Variants in NCALD observed in about 807,000 individuals in gnomAD.
The protein encoded by NCALD is neurocalcin-delta.
Under a neutral mutation model 18.6 loss-of-function variants are expected in NCALD, and 10 were observed. That is an observed-to-expected ratio of 0.54 (90% CI 0.33 to 0.91). The LOEUF (loss-of-function observed/expected upper bound fraction) is 0.91. NCALD is among the 40% of genes least tolerant of loss of function. NCALD has a pLI of 0.03. For synonymous variants in NCALD, 88 were observed against 87.4 expected (o/e 1.01, Z -0.04); for missense variants, 184 against 247.6 (o/e 0.74, Z 1.72).
intron 1 of NCALD, among the ~76,000 whole-genome samples, chr8:101,745,340 C>T (rs1457617385): frequency 2.0e-5 from 3 of 152,088 alleles, no homozygotes; most frequent in Non-Finnish European, 4.4e-5. Context: ...TATGTGGAAA[C>T]GGGCTTTGAA....
intron 3 of NCALD, among the ~76,000 whole-genome samples, chr8:101,901,374 T>A (rs112224659): frequency 1.1e-3 from 160 of 152,286 alleles, no homozygotes; most frequent in African/African-American, 3.7e-3. Flanking sequence ...ATTGTTGATA[T>A]ACTTGGGCTA....
intron 1 of NCALD, among the ~76,000 whole-genome samples, chr8:102,023,437 T>C (rs1822347939): frequency 6.6e-6 from 1 of 152,214 alleles, no homozygotes; most frequent in Admixed American, 6.5e-5. Context: ...CAGATGATTT[T>C]TACAAAGTGA....
At chr8:101,765,095 G>A (rs1268822813) in intron 1 of NCALD, among the ~76,000 whole-genome samples, 1 of 152,152 alleles carries the variant, frequency 6.6e-6, no homozygotes, top group Non-Finnish European at 1.5e-5. Context: ...GTATCCTTCT[G>A]TGGCCCCAAC....
At chr8:101,697,325 C>T (rs1009899773) in intron 2 of NCALD, among the ~76,000 whole-genome samples, 1 of 152,060 alleles carries the variant, frequency 6.6e-6, no homozygotes, top group Non-Finnish European at 1.5e-5. Flanking sequence ...CCTAAAAAAG[C>T]CCAGGACCAG....
intron 1 of NCALD, among the ~76,000 whole-genome samples, chr8:102,107,313 G>A (rs1195238005): frequency 2.8e-5 from 4 of 144,314 alleles, no homozygotes; most frequent in Non-Finnish European, 6.0e-5. Context: ...GTCCTAAAAA[G>A]GAACAAATTT....
chr8:102,041,445 T>A (rs1282689334), intron 1 of NCALD, among the ~76,000 whole-genome samples: 1 of 152,172 alleles, frequency 6.6e-6, no homozygotes, highest in African/African-American at 2.4e-5. Context: ...ATGTGTGCAG[T>A]TAGCATGCAG....
At chr8:101,883,717 T>A (rs972614038) in intron 4 of NCALD, among the ~76,000 whole-genome samples, 2 of 152,230 alleles carry the variant, frequency 1.3e-5, no homozygotes, top group African/African-American at 4.8e-5. Flanking sequence ...ACAATTTAGA[T>A]TTGAAATCAT....
chr8:101,711,635 A>G (rs1815798087), intron 2 of NCALD, among the ~76,000 whole-genome samples: 1 of 151,876 alleles, frequency 6.6e-6, no homozygotes, highest in Non-Finnish European at 1.5e-5. Flanking sequence ...CACAAGTATC[A>G]ATACCCAAAT....
intron 1 of NCALD, among the ~76,000 whole-genome samples, chr8:102,095,802 G>A (rs1482778419): frequency 6.6e-5 from 10 of 152,158 alleles, no homozygotes. Context: ...GTTTCTAAAT[G>A]TATGTGTATA....
At chr8:102,009,928 G>A (rs2132061300) in intron 2 of NCALD, among the ~76,000 whole-genome samples, 1 of 152,348 alleles carries the variant, frequency 6.6e-6, no homozygotes, top group African/African-American at 2.4e-5. Context: ...ATTCACTTCA[G>A]GGGCACAGGC....
intron 1 of NCALD, among the ~76,000 whole-genome samples, chr8:102,122,849 G>C (rs1266736577): frequency 6.6e-6 from 1 of 152,234 alleles, no homozygotes; most frequent in Non-Finnish European, 1.5e-5. Flanking sequence ...TACAGACAGA[G>C]GGTCTACAGG....
At chr8:101,719,095 T>G (rs1011761459) in intron 2 of NCALD, among the ~76,000 whole-genome samples, 157 bp downstream of exon 2, 23 of 152,208 alleles carry the variant, frequency 1.5e-4, no homozygotes, top group African/African-American at 5.5e-4. Context: ...CCCCACACTG[T>G]AATGCAGTTT....
chr8:101,927,480 A>C (rs886718282), intron 2 of NCALD, among the ~76,000 whole-genome samples: 35 of 152,204 alleles, frequency 2.3e-4, no homozygotes, highest in African/African-American at 8.0e-4. Flanking sequence ...AGGATCTGCT[A>C]AGTGCAGGAG....
At chr8:101,851,420 G>A (rs1815086310) in intron 4 of NCALD, among the ~76,000 whole-genome samples, 1 of 151,824 alleles carries the variant, frequency 6.6e-6, no homozygotes, top group Non-Finnish European at 1.5e-5. Flanking sequence ...AAAGCATTTA[G>A]CATTGTCACC....
intron 2 of NCALD, among the ~76,000 whole-genome samples, chr8:102,004,225 T>C (rs868075202): frequency 0.02 from 3,003 of 152,218 alleles, 51 homozygotes; most frequent in Non-Finnish European, 0.031. Context: ...AGCATTCTTA[T>C]ACACCAACAA....
chr8:102,092,934 A>G (rs564146371), intron 1 of NCALD, among the ~76,000 whole-genome samples: 14 of 152,296 alleles, frequency 9.2e-5, no homozygotes, highest in African/African-American at 3.4e-4. Context: ...CTATAACTAT[A>G]TGAGAGCAGG....
chr8:102,080,025 T>C (rs1824474322), intron 1 of NCALD, among the ~76,000 whole-genome samples: 1 of 152,220 alleles, frequency 6.6e-6, no homozygotes, highest in South Asian at 2.1e-4. Flanking sequence ...GAAGACGTGA[T>C]TGCAAACACA....
At chr8:101,776,316 C>A (rs1586472991) in intron 1 of NCALD, among the ~76,000 whole-genome samples, 2 of 152,184 alleles carry the variant, frequency 1.3e-5, no homozygotes, top group East Asian at 3.8e-4. Flanking sequence ...AGTCTTTCCT[C>A]TAATGTGTCA....
intron 2 of NCALD, among the ~76,000 whole-genome samples, chr8:101,702,775 C>G (rs7824122): frequency 0.026 from 3,942 of 152,302 alleles, 136 homozygotes; most frequent in African/African-American, 0.078. Flanking sequence ...CAGAAACAAA[C>G]GCTGAACAAT....
Sources: allele counts gnomAD v4.1 joint callset (sites outside exome capture counted in the v4.1 genomes callset), GRCh38; gene constraint gnomAD v4.1.1; transcripts MANE v1.5; gene names NCBI Gene and HGNC (gene_info 2026-07-23, HGNC 2026-07-21).